The following NAV1 variants were observed in gnomAD, a reference collection of about 807,000 sequenced individuals.
NAV1 encodes the protein neuron navigator 1.
A neutral mutation model predicts 175.2 loss-of-function variants in NAV1; 18 were observed. That is an observed-to-expected ratio of 0.10 (90% CI 0.07 to 0.15). NAV1 has a LOEUF of 0.15. NAV1 is among the 10% of genes least tolerant of loss of function. The probability of loss-of-function intolerance (pLI) is 1.00; values close to 1 mark genes in which losing one functional copy is unlikely to be tolerated. For synonymous variants in NAV1, 897 were observed against 978.7 expected, an observed-to-expected ratio of 0.92 and a Z score of 1.56; for missense variants, 1,731 against 2,436.6, an observed-to-expected ratio of 0.71 and a Z score of 6.10.
At chr1:201,793,661 C>T (rs1468799479) in intron 13 of NAV1, 131 bp from the exon 18 acceptor site, 1 of 715,358 alleles carries the variant, frequency 1.4e-6, no homozygotes, top group Non-Finnish European at 2.3e-6. Flanking sequence ...ATTTTTTTAA[C>T]CACCAAGAGG....
chr1:201,573,915 G>A (rs1164353836), intron 1 of NAV1, among the ~76,000 whole-genome samples: 1 of 152,030 alleles, frequency 6.6e-6, no homozygotes, highest in Non-Finnish European at 1.5e-5. Context: ...AATTAGCCAG[G>A]CACGGTGGCA....
Position 201,808,303 on chromosome 1 carries a change from C to G in NAV1, c.3846-115C>G. 5 of 1,396,832 alleles carry G rather than the reference C, an allele frequency of 3.6e-6. No homozygotes were observed. Among genetic ancestry groups the G allele is most frequent in the Non-Finnish European group, 3.9e-6 (4 of 1,026,576 alleles). The allele number at this position is 1,396,832 out of a possible 1,614,324, so 86.5% of individuals were successfully genotyped here. A position where few individuals can be genotyped will look rare whatever the true frequency, so the allele number is the denominator to read the frequency against. On this transcript the variant is annotated intron_variant, in intron 18 of 29. Coordinates refer to ENST00000367296, the Ensembl canonical transcript of NAV1. This position sits in a 1 kb window ranked among gnomAD's most constrained non-coding sequence, Gnocchi z 5.5. ...CAACAGATGGACCTTTCTTCTCATG[C>G]TGATTGAATATCAATGGGCAGGAGA... is the stretch of plus-strand genomic sequence containing the variant.
intron 1 of NAV1, among the ~76,000 whole-genome samples, chr1:201,687,596 A>G (rs900349470): frequency 7.9e-5 from 12 of 152,230 alleles, no homozygotes; most frequent in Admixed American, 5.2e-4. Context: ...TCTGTTCTAC[A>G]GGTGGAAAAA....
chr1:201,639,082 T>C (rs1193937973), intron 2 of NAV1, among the ~76,000 whole-genome samples: 6 of 151,812 alleles, frequency 4.0e-5, no homozygotes, highest in Admixed American at 1.3e-4. Context: ...GAGGGGAGAA[T>C]TGGATTTGAA....
At chr1:201,608,612 T>A (rs1453956605) in intron 2 of NAV1, among the ~76,000 whole-genome samples, 1 of 152,156 alleles carries the variant, frequency 6.6e-6, no homozygotes, top group Non-Finnish European at 1.5e-5. Flanking sequence ...CTGACAGAAG[T>A]CTCCCATAAG....
rs545650840 is a variant in NAV1, at chr1:201,746,072, C to G, written c.1226+27317C>G. Among the ~76,000 whole-genome samples, 15 of 152,204 alleles carry G rather than the reference C, an allele frequency of 9.9e-5. No homozygotes were observed. The East Asian group carries it at 2.3e-3, about 24-fold the overall frequency. On this transcript the variant is annotated intron_variant, in intron 3 of 29. Coordinates refer to ENST00000367296, the Ensembl canonical transcript of NAV1. ...CTAACTCCTGGGCTCAAGCAATCCA[C>G]CCACCTCAGCCTCCCAAACTGCTGG...
intron 2 of NAV1, among the ~76,000 whole-genome samples, chr1:201,602,423 C>T (rs952901852): frequency 5.3e-5 from 8 of 152,058 alleles, no homozygotes; most frequent in Non-Finnish European, 1.0e-4. Flanking sequence ...CTCACTGGAA[C>T]CTCTGCCTCC....
intron 1 of NAV1, among the ~76,000 whole-genome samples, chr1:201,626,559 G>C (rs1002237591): frequency 3.3e-5 from 5 of 152,170 alleles, no homozygotes; most frequent in African/African-American, 9.7e-5. Context: ...GCTCTCAGGA[G>C]ACCCTGGTCT....
intron 3 of NAV1, among the ~76,000 whole-genome samples, chr1:201,759,605 G>T (rs1297937184): frequency 6.6e-6 from 1 of 152,200 alleles, no homozygotes; most frequent in East Asian, 1.9e-4. Context: ...GCAATGCAGA[G>T]GTTATGCTGG....
At chr1:201,546,781 G>A (rs187033049) in intron 1 of NAV1, among the ~76,000 whole-genome samples, 24 of 151,410 alleles carry the variant, frequency 1.6e-4, no homozygotes, top group African/African-American at 5.3e-4. Context: ...GTGGGTGCCT[G>A]TAATCCCAGC....
At chr1:201,763,364 A>T (rs910495086) in intron 3 of NAV1, among the ~76,000 whole-genome samples, 1 of 152,156 alleles carries the variant, frequency 6.6e-6, no homozygotes, top group Non-Finnish European at 1.5e-5. Flanking sequence ...GGTGAATTTG[A>T]TGGTATCCCT....
At chr1:201,698,025 G>A (rs1671259947) in intron 1 of NAV1, among the ~76,000 whole-genome samples, 1 of 152,164 alleles carries the variant, frequency 6.6e-6, no homozygotes, top group African/African-American at 2.4e-5. Flanking sequence ...AGGTCACAGT[G>A]GTAAAGCTGG....
At chr1:201,785,543 A>C (rs1442044615) in intron 8 of NAV1, among the ~76,000 whole-genome samples, 192 bp downstream of exon 12, 1 of 152,190 alleles carries the variant, frequency 6.6e-6, no homozygotes, top group Admixed American at 6.6e-5. Flanking sequence ...CAACTTTTAC[A>C]GCAAGTGTTC....
chr1:201,624,744 G>A (rs1482247104), intron 1 of NAV1, among the ~76,000 whole-genome samples: 1 of 152,052 alleles, frequency 6.6e-6, no homozygotes, highest in Admixed American at 6.6e-5. Context: ...GTTTAGAAAT[G>A]CCCAAATGCA....
intron 15 of NAV1, chr1:201,797,703 G>A (rs190923830): frequency 3.6e-4 from 55 of 152,264 alleles, no homozygotes; most frequent in African/African-American, 1.3e-3. Context: ...TTCAGCATAT[G>A]AACCTTGTAC....
exon 30 of NAV1, chr1:201,825,850 CG>C (rs1326634742): frequency 6.6e-6 from 1 of 152,210 alleles, no homozygotes; most frequent in Non-Finnish European, 1.5e-5. Context: ...TTAGTAGATA[CG>C]GAGTTTTGCC....
intron 2 of NAV1, among the ~76,000 whole-genome samples, chr1:201,642,924 C>T (rs1435604995): frequency 2.6e-5 from 4 of 151,958 alleles, no homozygotes; most frequent in East Asian, 2.0e-4. Flanking sequence ...CGCCCACCAC[C>T]ACACCTAGCT....
intron 2 of NAV1, among the ~76,000 whole-genome samples, chr1:201,605,603 T>C (rs1037487259): frequency 6.6e-5 from 10 of 152,196 alleles, no homozygotes; most frequent in African/African-American, 2.4e-4. Context: ...ATTTTTTGTT[T>C]AGACAGATGG....
At chr1:201,638,808 G>A (rs1277213631) in intron 2 of NAV1, among the ~76,000 whole-genome samples, 4 of 152,234 alleles carry the variant, frequency 2.6e-5, no homozygotes, top group South Asian at 2.1e-4. Context: ...ACATGTCTAA[G>A]AGGGTCCCTG....
Sources: allele counts gnomAD v4.1 joint callset (sites outside exome capture counted in the v4.1 genomes callset), GRCh38; gene constraint gnomAD v4.1.1; non-coding constraint Gnocchi (gnomAD v3.1); transcripts MANE v1.5; gene names NCBI Gene and HGNC (gene_info 2026-07-23, HGNC 2026-07-21).